FSHR: variants seen among roughly 807,000 people sequenced by gnomAD.
FSHR encodes the protein follicle stimulating hormone receptor, also known as follicle-stimulating hormone receptor.
FSHR carries 46 observed loss-of-function variants against 52.1 expected under a neutral mutation model. The ratio of observed to expected loss-of-function variants is 0.88; its 90% CI spans 0.70 to 1.13. The LOEUF is 1.13. Ranked by LOEUF, FSHR falls within the 50% of genes most tolerant of loss-of-function variation. The pLI is 0.00. For synonymous variants in FSHR, 399 were observed against 309.6 expected, an observed-to-expected ratio of 1.29 and a Z score of -3.03; for missense variants, 964 against 834.6, an observed-to-expected ratio of 1.16 and a Z score of -1.91.
chr2:49,027,353 A>C (rs979287597), intron 2 of FSHR, among the ~76,000 whole-genome samples: 1 of 152,158 alleles, frequency 6.6e-6, no homozygotes, highest in Non-Finnish European at 1.5e-5. Context: ...TATTTACTTA[A>C]TATTTGGGAG....
intron 4 of FSHR, among the ~76,000 whole-genome samples, chr2:49,013,215 C>G (rs1415710530): frequency 1.3e-5 from 2 of 151,538 alleles, no homozygotes; most frequent in Non-Finnish European, 2.9e-5. Context: ...CCAAATTGGC[C>G]AGTACCTCTT....
At chr2:49,106,865 C>T (rs1260160122) in intron 1 of FSHR, among the ~76,000 whole-genome samples, 1 of 152,204 alleles carries the variant, frequency 6.6e-6, no homozygotes, top group Non-Finnish European at 1.5e-5. Context: ...CCTCAGCTCT[C>T]TGCAGCTCTG....
chr2:49,048,981 C>T (rs1024278689), intron 2 of FSHR, among the ~76,000 whole-genome samples: 5 of 151,778 alleles, frequency 3.3e-5, no homozygotes, highest in Non-Finnish European at 1.5e-5. Context: ...TGGGCATGGG[C>T]TAAATGAGGA....
intron 1 of FSHR, among the ~76,000 whole-genome samples, chr2:49,116,669 A>C (rs1671610863): frequency 1.3e-5 from 2 of 152,188 alleles, no homozygotes; most frequent in African/African-American, 4.8e-5. Context: ...ATAGCTTTTT[A>C]TGTACCCACA....
chr2:49,133,120 C>G (rs909835742), intron 1 of FSHR, among the ~76,000 whole-genome samples: 3 of 152,134 alleles, frequency 2.0e-5, no homozygotes, highest in Non-Finnish European at 4.4e-5. Context: ...TAGCTCCTAA[C>G]TATAGGACTT....
intron 1 of FSHR, among the ~76,000 whole-genome samples, chr2:49,114,974 T>A (rs111246090): frequency 1.3e-5 from 2 of 151,746 alleles, no homozygotes; most frequent in East Asian, 3.9e-4. Context: ...TAGAATTTGG[T>A]TTAAACCATT....
chr2:49,030,546 G>T (rs1267932426), intron 2 of FSHR, among the ~76,000 whole-genome samples: 2 of 152,010 alleles, frequency 1.3e-5, no homozygotes, highest in Non-Finnish European at 2.9e-5. Context: ...TGGCTTGAAA[G>T]AGCTTCCTTT....
chr2:49,108,186 T>G (rs1671300392), intron 1 of FSHR, among the ~76,000 whole-genome samples: 1 of 152,106 alleles, frequency 6.6e-6, no homozygotes, highest in Admixed American at 6.6e-5. Context: ...GGTCTTCTCT[T>G]AACTTTTAAC....
intron 1 of FSHR, among the ~76,000 whole-genome samples, chr2:49,097,084 C>A (rs1427760138): frequency 6.6e-6 from 1 of 152,190 alleles, no homozygotes; most frequent in Non-Finnish European, 1.5e-5. Context: ...TATAGCAATG[C>A]AAGAATGACC....
chr2:49,018,531 C>A (rs1325089749), intron 3 of FSHR, among the ~76,000 whole-genome samples: 1 of 152,176 alleles, frequency 6.6e-6, no homozygotes. Flanking sequence ...AGACCCAAAC[C>A]ACTACCTTCA....
chr2:49,064,897 G>T (rs1011488173), intron 2 of FSHR, among the ~76,000 whole-genome samples: 1 of 152,136 alleles, frequency 6.6e-6, no homozygotes, highest in Non-Finnish European at 1.5e-5. Flanking sequence ...ATTTCATCTG[G>T]TCCCTGAATG....
chr2:49,108,152 C>T (rs1444567846), intron 1 of FSHR, among the ~76,000 whole-genome samples: 2 of 152,102 alleles, frequency 1.3e-5, no homozygotes, highest in Non-Finnish European at 2.9e-5. Flanking sequence ...TTGCTTCCTG[C>T]CTGCCTGCTT....
chr2:49,111,056 G>A (rs1462418323), intron 1 of FSHR, among the ~76,000 whole-genome samples: 1 of 152,142 alleles, frequency 6.6e-6, no homozygotes, highest in Non-Finnish European at 1.5e-5. Flanking sequence ...GTGGCCATGT[G>A]GCTTGACTGG....
chr2:49,032,855 A>G (rs1558401805), intron 2 of FSHR, among the ~76,000 whole-genome samples: 1 of 152,212 alleles, frequency 6.6e-6, no homozygotes, highest in Non-Finnish European at 1.5e-5. Flanking sequence ...TCCTGCTTCC[A>G]TGATACATTG....
At chr2:48,973,266 A>ACACACACG (rs146365090) in intron 8 of FSHR, among the ~76,000 whole-genome samples, 6 of 151,016 alleles carry the variant, frequency 4.0e-5, no homozygotes, top group East Asian at 1.9e-4. Flanking sequence ...ACACACACAC[A>ACACACACG]CACATGCACA....
intron 8 of FSHR, among the ~76,000 whole-genome samples, chr2:48,973,554 T>C (rs78781171): frequency 0.013 from 1,950 of 152,236 alleles, no homozygotes; most frequent in African/African-American, 0.043. Flanking sequence ...AAGTATTTTT[T>C]CCTTGAAAAC....
chr2:48,987,188 T>C (rs1351967740), intron 6 of FSHR, among the ~76,000 whole-genome samples: 1 of 151,734 alleles, frequency 6.6e-6, no homozygotes, highest in Non-Finnish European at 1.5e-5. Flanking sequence ...GTATTATTAT[T>C]TTTATTTATT....
At chr2:49,153,565 AAG>A in intron 1 of FSHR, among the ~76,000 whole-genome samples, 2 of 152,336 alleles carry the variant, frequency 1.3e-5, no homozygotes, top group South Asian at 2.1e-4. Flanking sequence ...TTGCAAAAGA[AAG>A]AGAGAGTAGG....
rs146548676 is a variant in FSHR, at chr2:49,107,568, A to C, written c.153-39278T>G. ...CCATCTATGATGGTAAAGAGAAACA[A>C]TTTGGTTATAGAATGAAAACTGATT... On this transcript the variant is annotated intron_variant, in intron 1 of 9. Transcript: ENST00000406846. Among the ~76,000 whole-genome samples, 56 of 152,280 alleles carry C rather than the reference A, an allele frequency of 3.7e-4. 1 individual carries two copies. In the East Asian group the frequency reaches 0.01, roughly 28 times the overall value.
Sources: allele counts gnomAD v4.1 joint callset (sites outside exome capture counted in the v4.1 genomes callset), GRCh38; gene constraint gnomAD v4.1.1; transcripts MANE v1.5; gene names NCBI Gene and HGNC (gene_info 2026-07-23, HGNC 2026-07-21).